TSEN15: variants seen among roughly 807,000 people sequenced by gnomAD.
TSEN15 encodes the protein tRNA-splicing endonuclease subunit Sen15.
TSEN15 carries 10 observed loss-of-function variants against 20.5 expected under a neutral mutation model. The ratio of observed to expected loss-of-function variants is 0.49; its 90% CI spans 0.30 to 0.83. The LOEUF (loss-of-function observed/expected upper bound fraction) is 0.83. Ranked by LOEUF, TSEN15 falls within the 40% of genes least tolerant of loss-of-function variation. The probability of loss-of-function intolerance (pLI) is 0.06; values close to 1 mark genes in which losing one functional copy is unlikely to be tolerated. For missense variants in TSEN15, 180 were observed against 218.6 expected (o/e 0.82, Z 1.11); for synonymous variants, 72 against 80.1 (o/e 0.90, Z 0.54).
At chr1:184,084,266 G>A (rs966274943) in intron 3 of TSEN15, among the ~76,000 whole-genome samples, 1 of 151,958 alleles carries the variant, frequency 6.6e-6, no homozygotes, top group Non-Finnish European at 1.5e-5. Context: ...GCCACCTTGG[G>A]AGAGAATACA....
chr1:184,090,852 G>A (rs998779796), intron 3 of TSEN15, among the ~76,000 whole-genome samples: 5 of 152,098 alleles, frequency 3.3e-5, no homozygotes, highest in Admixed American at 1.3e-4. Flanking sequence ...TGTGGGTAGG[G>A]GACTGACTTC....
At chr1:184,072,537 G>T in intron 4 of TSEN15, 1 of 547,288 alleles carries the variant, frequency 1.8e-6, no homozygotes. Context: ...GAATTTCATG[G>T]TTTTCCAAAG....
downstream of TSEN15, among the ~76,000 whole-genome samples, chr1:184,078,430 A>C (rs1413562767): frequency 6.6e-6 from 1 of 152,118 alleles, no homozygotes. Flanking sequence ...CAATATCTCC[A>C]AGGTATGCCG....
chr1:184,059,188 T>C lies in TSEN15; in HGVS notation c.353+4325T>C, dbSNP rs578232999. Among the ~76,000 whole-genome samples the C allele has an allele frequency of 3.3e-5, 5 of 152,252 alleles. No homozygotes were observed. In the East Asian group the frequency reaches 9.7e-4, roughly 29 times the overall value. On this transcript the variant is annotated intron_variant, in intron 3 of 4. Transcript: ENST00000645668. ...AGTATTATGGAGTACTGATAAGTAGTTTAACAGGGATATGTACAAAATTAT... is the reference window on the plus strand; with the variant it reads ...AGTATTATGGAGTACTGATAAGTAGCTTAACAGGGATATGTACAAAATTAT...
Position 184,072,250 on chromosome 1 carries a change from A to G in TSEN15, c.447A>G (p.Thr149=). Reference sequence around the variant, plus strand: ...TGGCCATAGTGGAGTCTGATTCTACAATAGTCTATTATAAACTTACTGATG... The same window carrying G: ...TGGCCATAGTGGAGTCTGATTCTACGATAGTCTATTATAAACTTACTGATG... The part of the protein sequence containing the change: ...FTLAIVESDS[T]IVYYKLTDGF... Residue 149 remains threonine, a synonymous_variant, in exon 4 of 5, where the codon ACA becomes ACG. Coordinates refer to ENST00000645668, the MANE Select transcript of TSEN15 (RefSeq NM_052965.4). 1 of 1,613,560 alleles carries G rather than the reference A, an allele frequency of 6.2e-7. No homozygotes were observed. The highest frequency in any genetic ancestry group is 1.7e-5 in the Admixed American group (1 of 59,922).
At chr1:184,079,838 A>G (rs1651129733) in intron 3 of TSEN15, among the ~76,000 whole-genome samples, 1 of 152,188 alleles carries the variant, frequency 6.6e-6, no homozygotes, top group Non-Finnish European at 1.5e-5. Flanking sequence ...GTCTAGGGAT[A>G]CAAAGATTGG....
intron 3 of TSEN15, among the ~76,000 whole-genome samples, chr1:184,061,510 C>T (rs1018292107): frequency 1.3e-5 from 2 of 152,112 alleles, no homozygotes. Context: ...ATTTTATAAT[C>T]TGTTGTTTGT....
Position 184,081,460 on chromosome 1 carries a change from C to T in TSEN15, c.354-14230C>T, listed in dbSNP as rs139595875. On this transcript the variant is annotated intron_variant, in intron 3 of 3. Coordinates refer to the TSEN15 transcript ENST00000643231. Reference sequence around the variant, plus strand: ...AAGCAGCCCATGTTACTCCTGTCCACGTTTCACTAGCCAAAGGAAGCCACG... The same window carrying T: ...AAGCAGCCCATGTTACTCCTGTCCATGTTTCACTAGCCAAAGGAAGCCACG... Among the ~76,000 whole-genome samples the T allele has an allele frequency of 1.6e-3, 240 of 152,268 alleles. 1 individual carries two copies. Among genetic ancestry groups the T allele is most frequent in the African/African-American group, 5.6e-3 (231 of 41,556 alleles).
chr1:184,090,147 A>T (rs1043567335), intron 3 of TSEN15, among the ~76,000 whole-genome samples: 1 of 152,266 alleles, frequency 6.6e-6, no homozygotes, highest in Non-Finnish European at 1.5e-5. Flanking sequence ...CAATAAAAAG[A>T]ACAAGCTACT....
downstream of TSEN15, among the ~76,000 whole-genome samples, chr1:184,075,479 CTT>C (rs1651041687): frequency 6.6e-6 from 1 of 152,236 alleles, no homozygotes; most frequent in East Asian, 1.9e-4. Flanking sequence ...TATCTTGCCT[CTT>C]TGCACAGTAA....
chr1:184,074,546 C>G (rs1197099451), downstream of TSEN15, among the ~76,000 whole-genome samples: 1 of 152,140 alleles, frequency 6.6e-6, no homozygotes, highest in East Asian at 1.9e-4. Flanking sequence ...TGGTTGCTTC[C>G]TCAAAGCCAG....
At chr1:184,090,948 G>A (rs114609797) in intron 3 of TSEN15, among the ~76,000 whole-genome samples, 1,688 of 152,222 alleles carry the variant, frequency 0.011, 30 homozygotes, top group African/African-American at 0.036. Flanking sequence ...GAGAGGGAGG[G>A]CTGAGGTTTA....
At chr1:184,080,548 A>G (rs1557888940) in intron 3 of TSEN15, among the ~76,000 whole-genome samples, 1 of 152,228 alleles carries the variant, frequency 6.6e-6, no homozygotes, top group East Asian at 1.9e-4. Flanking sequence ...GATCAATTAC[A>G]TTATCCTCTG....
chr1:184,064,664 A>G (rs953559271), intron 3 of TSEN15, among the ~76,000 whole-genome samples: 2 of 152,230 alleles, frequency 1.3e-5, no homozygotes, highest in Non-Finnish European at 2.9e-5. Flanking sequence ...TTTTGCCACT[A>G]CAAAATCTGT....
Position 184,054,334 on chromosome 1 carries a change from A to C in TSEN15, c.136-20A>C, listed in dbSNP as rs774103373. The C allele has an allele frequency of 6.6e-5, 94 of 1,427,308 alleles. No individual in the cohort carries two copies. Among genetic ancestry groups the C allele is most frequent in the Non-Finnish European group, 8.1e-5 (83 of 1,025,352 alleles). 88.4% of individuals were successfully genotyped at this position (1,427,308 alleles called of 1,614,324 possible). A position where few individuals can be genotyped will look rare whatever the true frequency, so the allele number is the denominator to read the frequency against. On this transcript the variant is annotated intron_variant, in intron 1 of 4. Transcript: ENST00000645668. ...AATAATTTTTTCTTCTCAATTTGACAATTATATTTTAATTTTCAGTATCTA... is the reference window on the plus strand; with the variant it reads ...AATAATTTTTTCTTCTCAATTTGACCATTATATTTTAATTTTCAGTATCTA...
chr1:184,094,321 G>A (rs1651411300), intron 3 of TSEN15: 1 of 152,250 alleles, frequency 6.6e-6, no homozygotes, highest in Admixed American at 6.5e-5. Flanking sequence ...CCAGGACCCT[G>A]TACATGCCCT....
At chr1:184,063,399 G>T (rs886168201) in intron 3 of TSEN15, among the ~76,000 whole-genome samples, 1 of 152,144 alleles carries the variant, frequency 6.6e-6, no homozygotes, top group African/African-American at 2.4e-5. Flanking sequence ...CAAGAGTATT[G>T]TACAATTAAA....
chr1:184,071,903 A>G (rs1015119498), intron 3 of TSEN15: 28 of 376,510 alleles, frequency 7.4e-5, no homozygotes, highest in Middle Eastern at 6.8e-4. Flanking sequence ...CAGAGACAAC[A>G]ATTTTGGAAA....
chr1:184,086,428 T>C (rs905204689), intron 3 of TSEN15, among the ~76,000 whole-genome samples: 1 of 152,214 alleles, frequency 6.6e-6, no homozygotes, highest in African/African-American at 2.4e-5. Flanking sequence ...TAGTAATCTA[T>C]TGCTGTGTGA....
Sources: allele counts gnomAD v4.1 joint callset (sites outside exome capture counted in the v4.1 genomes callset), GRCh38; gene constraint gnomAD v4.1.1; transcripts MANE v1.5; gene names NCBI Gene and HGNC (gene_info 2026-07-23, HGNC 2026-07-21).